The following PCDHA9 variants were observed in gnomAD, a reference collection of about 807,000 sequenced individuals.
PCDHA9 encodes the protein protocadherin alpha 9, also known as protocadherin alpha-9.
A neutral mutation model predicts 62.0 loss-of-function variants in PCDHA9; 62 were observed. The observed-to-expected ratio is 1.00, with a 90% confidence interval of 0.81 to 1.23. The LOEUF (loss-of-function observed/expected upper bound fraction) is 1.23, where lower values mean the gene tolerates loss of function less well. Ranked by LOEUF, PCDHA9 falls within the 50% of genes most tolerant of loss-of-function variation. The probability of loss-of-function intolerance (pLI) is 0.00; values close to 1 mark genes in which losing one functional copy is unlikely to be tolerated. For synonymous variants in PCDHA9, 557 were observed against 567.6 expected (o/e 0.98, Z 0.27); for missense variants, 1,205 against 1,249.8 (o/e 0.96, Z 0.54).
At position 140,883,742 on chromosome 5, in the gene PCDHA9, T is replaced by C. The variant is rs782074620; in HGVS notation, c.2394+32853T>C. 8 of 1,613,220 alleles carry C rather than the reference T, an allele frequency of 5.0e-6. No homozygotes were observed. In the African/African-American group the frequency reaches 8.0e-5, roughly 16 times the overall value. ...CGCACAGGAGAACGCGCTGGTCTCC[T>C]ACTCGCTGGTGGAGCGGCGGGTGGG... On this transcript the variant is annotated intron_variant, in intron 1 of 3. Transcript: ENST00000532602.
intron 1 of PCDHA9, chr5:140,882,798 A>AT: frequency 6.2e-7 from 1 of 1,614,236 alleles, no homozygotes; most frequent in Non-Finnish European, 8.5e-7. Flanking sequence ...CCCAACGATT[A>AT]TTTCACTTTG....
intron 1 of PCDHA9, among the ~76,000 whole-genome samples, chr5:140,880,397 A>C (rs1420314604): frequency 6.6e-6 from 1 of 152,246 alleles, no homozygotes; most frequent in Non-Finnish European, 1.5e-5. Context: ...TTTTAAGAGC[A>C]TATGGTTGAC....
chr5:140,977,324 C>T (rs1035502087), intron 1 of PCDHA9, among the ~76,000 whole-genome samples: 5 of 152,102 alleles, frequency 3.3e-5, no homozygotes, highest in Non-Finnish European at 4.4e-5. Context: ...CTCCTGATGG[C>T]GAGGGGAGAG....
chr5:140,983,966 C>A (rs782428444), intron 3 of PCDHA9, among the ~76,000 whole-genome samples: 1 of 152,048 alleles, frequency 6.6e-6, no homozygotes, highest in Non-Finnish European at 1.5e-5. Flanking sequence ...CACATTTGTC[C>A]AAAAAATATA....
intron 1 of PCDHA9, among the ~76,000 whole-genome samples, chr5:140,936,136 G>A (rs1393112473): frequency 2.0e-5 from 3 of 152,184 alleles, no homozygotes; most frequent in Admixed American, 1.3e-4. Context: ...TAAGTGATCT[G>A]CCCGCCTTGG....
chr5:140,884,577 T>G, intron 1 of PCDHA9: 1 of 1,614,230 alleles, frequency 6.2e-7, no homozygotes, highest in Non-Finnish European at 8.5e-7. Context: ...ACGGACCTCA[T>G]GGCCTTCAGT....
At chr5:140,896,087 A>T (rs2065366348) in intron 1 of PCDHA9, among the ~76,000 whole-genome samples, 1 of 152,218 alleles carries the variant, frequency 6.6e-6, no homozygotes, top group East Asian at 1.9e-4. Flanking sequence ...CTGGGATTAC[A>T]GGCGTGAGCC....
chr5:140,990,649 T>A (rs1465284882), intron 3 of PCDHA9, among the ~76,000 whole-genome samples: 1 of 152,330 alleles, frequency 6.6e-6, no homozygotes, highest in South Asian at 2.1e-4. Context: ...TCAGCCAGTA[T>A]GAATGATTTA....
chr5:140,917,435 T>A (rs1179418321), intron 1 of PCDHA9, among the ~76,000 whole-genome samples: 2 of 152,200 alleles, frequency 1.3e-5, no homozygotes, highest in South Asian at 2.1e-4. Flanking sequence ...CAATTTTTGT[T>A]TTTGCTGCAA....
chr5:140,890,341 T>C (rs2062601372), intron 1 of PCDHA9, among the ~76,000 whole-genome samples: 1 of 152,190 alleles, frequency 6.6e-6, no homozygotes, highest in Non-Finnish European at 1.5e-5. Context: ...GTTGGGATGG[T>C]TTACTATATA....
At chr5:140,927,089 TC>T in intron 1 of PCDHA9, 1 of 1,612,460 alleles carries the variant, frequency 6.2e-7, no homozygotes, top group Non-Finnish European at 8.5e-7. Context: ...GAGCTCTACT[TC>T]GGGGTGGATC....
chr5:140,876,644 C>T, intron 1 of PCDHA9: 2 of 1,614,200 alleles, frequency 1.2e-6, no homozygotes, highest in South Asian at 1.1e-5. Context: ...TCACTGACAC[C>T]TCATGTTCCC....
chr5:140,926,805 G>A, intron 1 of PCDHA9: 2 of 1,452,468 alleles, frequency 1.4e-6, no homozygotes, highest in Non-Finnish European at 9.0e-7. Flanking sequence ...GCTCTTCCCC[G>A]CGGCTCGTGC....
intron 1 of PCDHA9, among the ~76,000 whole-genome samples, chr5:140,911,234 C>A (rs1554194655): frequency 6.6e-6 from 1 of 151,890 alleles, no homozygotes; most frequent in South Asian, 2.1e-4. Context: ...TTTCTTCTGG[C>A]AAAAAAAGTT....
chr5:140,871,427 T>C (rs782140666), intron 1 of PCDHA9: 1 of 1,613,326 alleles, frequency 6.2e-7, no homozygotes, highest in South Asian at 1.1e-5. Context: ...AGCCCCAGTC[T>C]TCCTCTAGGT....
At chr5:140,883,758 G>T in intron 1 of PCDHA9, 1 of 1,612,920 alleles carries the variant, frequency 6.2e-7, no homozygotes, top group Non-Finnish European at 8.5e-7. Flanking sequence ...CTGGTGGAGC[G>T]GCGGGTGGGC....
intron 1 of PCDHA9, among the ~76,000 whole-genome samples, chr5:140,922,616 A>G (rs2080916487): frequency 6.6e-6 from 1 of 152,242 alleles, no homozygotes; most frequent in African/African-American, 2.4e-5. Context: ...TATTAAAACT[A>G]TGGTACACAT....
At chr5:140,967,589 T>C (rs782348275) in intron 1 of PCDHA9, 20 of 1,613,912 alleles carry the variant, frequency 1.2e-5, no homozygotes, top group African/African-American at 1.2e-4. Context: ...CCCAGGCACA[T>C]TGGTGGTGAA....
Position 140,876,332 on chromosome 5 carries a change from T to C in PCDHA9, c.2394+25443T>C. On this transcript the variant is annotated intron_variant, in intron 1 of 3. Coordinates refer to ENST00000532602, the MANE Select transcript of PCDHA9 (RefSeq NM_031857.2). ...TATGGGATCAAAATGATTTTGCCAGTGAGTGAGAAATGTATGTTTTCAATA... is the reference window on the plus strand; with the variant it reads ...TATGGGATCAAAATGATTTTGCCAGCGAGTGAGAAATGTATGTTTTCAATA... 6.2e-7 allele frequency: 1 copy of C among 1,613,990 alleles called. No homozygotes were observed. Among genetic ancestry groups the C allele is most frequent in the Non-Finnish European group, 8.5e-7 (1 of 1,179,896 alleles).
Sources: allele counts gnomAD v4.1 joint callset (sites outside exome capture counted in the v4.1 genomes callset), GRCh38; gene constraint gnomAD v4.1.1; transcripts MANE v1.5; gene names NCBI Gene and HGNC (gene_info 2026-07-23, HGNC 2026-07-21).